Variants in KLF15 observed in about 807,000 individuals in gnomAD.
KLF15 encodes the protein KLF transcription factor 15.
KLF15 carries 4 observed loss-of-function variants against 24.6 expected under a neutral mutation model. The ratio of observed to expected loss-of-function variants is 0.16; its 90% CI spans 0.08 to 0.37. The LOEUF (loss-of-function observed/expected upper bound fraction) is 0.37, where lower values mean the gene tolerates loss of function less well. KLF15 is among the 10% of genes least tolerant of loss of function. The pLI is 1.00. For missense variants in KLF15, 496 were observed against 560.6 expected, an observed-to-expected ratio of 0.88 and a Z score of 1.16; for synonymous variants, 246 against 236.3, an observed-to-expected ratio of 1.04 and a Z score of -0.37.
At chr3:126,326,214 C>A in the KLF15 span, among the ~76,000 whole-genome samples, 2 of 122,114 alleles carry the variant, frequency 1.6e-5, no homozygotes, top group Non-Finnish European at 3.3e-5. Context: ...GTTACTGTAG[C>A]CTTGTAGTAT....
chr3:126,292,736 C>T, the KLF15 span, among the ~76,000 whole-genome samples: 1 of 152,002 alleles, frequency 6.6e-6, no homozygotes, highest in Non-Finnish European at 1.5e-5. Flanking sequence ...GCAGCCAGTG[C>T]TTAGCAGGAA....
At chr3:126,347,146 A>G (rs1280011113) in intron 2 of KLF15, among the ~76,000 whole-genome samples, 2 of 152,128 alleles carry the variant, frequency 1.3e-5, no homozygotes, top group Non-Finnish European at 2.9e-5. Flanking sequence ...GTCTCTCTAG[A>G]GCAGCTATAA....
At chr3:126,345,261 T>A (rs138551561) in intron 2 of KLF15, among the ~76,000 whole-genome samples, 7 of 152,240 alleles carry the variant, frequency 4.6e-5, no homozygotes, top group Admixed American at 1.3e-4. Flanking sequence ...TTTTAAATTA[T>A]CTTCAACTTT....
intron 2 of KLF15, among the ~76,000 whole-genome samples, chr3:126,350,398 C>T (rs1483970698): frequency 6.6e-6 from 1 of 152,190 alleles, no homozygotes; most frequent in Non-Finnish European, 1.5e-5. Context: ...GGAGACAGGA[C>T]AGAGTGATGT....
At chr3:126,321,595 C>T in the KLF15 span, among the ~76,000 whole-genome samples, 2 of 152,246 alleles carry the variant, frequency 1.3e-5, no homozygotes, top group Non-Finnish European at 2.9e-5. Context: ...CCCCTCATGA[C>T]CTCTGTGAAG....
At chr3:126,351,715 C>T (rs764858658) in intron 2 of KLF15, 126 bp downstream of exon 2, 11 of 1,096,474 alleles carry the variant, frequency 1.0e-5, no homozygotes, top group Non-Finnish European at 1.3e-5. Flanking sequence ...CCTGCACCCG[C>T]CTGCCCCTCC....
At chr3:126,311,265 G>T in the KLF15 span, among the ~76,000 whole-genome samples, 1 of 152,220 alleles carries the variant, frequency 6.6e-6, no homozygotes, top group Non-Finnish European at 1.5e-5. Context: ...TCCAGGCCAA[G>T]AATTTTTGGG....
At position 126,352,325 on chromosome 3, in the gene KLF15, T is replaced by C. The variant is rs1232946832; in HGVS notation, c.598A>G (p.Ser200Gly). 7.0e-6 allele frequency: 11 copies of C among 1,572,480 alleles called. No individual in the cohort carries two copies. The highest frequency in any genetic ancestry group is 9.5e-6 in the Non-Finnish European group (11 of 1,161,258). Residue 200 changes from serine to glycine, a missense_variant, in exon 2 of 3, where the codon AGT becomes GGT. Ser to Gly is a moderately conservative substitution (Grantham distance 56, BLOSUM62 0). Around this residue, in one of 3 missense-constraint regions of KLF15, gnomAD observed 399 missense variants for 423.1 expected, o/e 0.94. Transcript: ENST00000296233. ...CCTGGGCCCTGGGCACCTCCTGCACTGGCACCACCTGGTGGAGGGGAACAG... is the reference window on the plus strand; with the variant it reads ...CCTGGGCCCTGGGCACCTCCTGCACCGGCACCACCTGGTGGAGGGGAACAG... ...ERCSPPPGGA[S>G]AGGAQGPGGG...
chr3:126,310,035 A>C, the KLF15 span, among the ~76,000 whole-genome samples: 4 of 152,264 alleles, frequency 2.6e-5, no homozygotes. Context: ...GCCAAGGCCA[A>C]GGCACCGGCA....
the KLF15 span, among the ~76,000 whole-genome samples, chr3:126,296,807 C>T: frequency 1.3e-5 from 2 of 152,180 alleles, no homozygotes; most frequent in East Asian, 1.9e-4. Context: ...TGTTATTGCT[C>T]ATTATTTTGA....
the KLF15 span, among the ~76,000 whole-genome samples, chr3:126,308,965 T>G: frequency 6.6e-6 from 1 of 151,890 alleles, no homozygotes; most frequent in South Asian, 2.1e-4. Flanking sequence ...GTGAGGGCGG[T>G]GGCAGCTGGG....
At chr3:126,323,540 ATTTTAC>A in the KLF15 span, among the ~76,000 whole-genome samples, 1 of 141,010 alleles carries the variant, frequency 7.1e-6, no homozygotes, top group Non-Finnish European at 1.5e-5. Flanking sequence ...ATGTATGTTA[ATTTTAC>A]TTTAAGTTCT....
intron 1 of KLF15, among the ~76,000 whole-genome samples, chr3:126,354,751 G>A (rs1469332871): frequency 1.3e-5 from 2 of 152,228 alleles, no homozygotes; most frequent in Non-Finnish European, 2.9e-5. Flanking sequence ...GCACAAGGCT[G>A]GGCAGAGCCC....
At chr3:126,298,399 G>C in the KLF15 span, among the ~76,000 whole-genome samples, 24 of 147,446 alleles carry the variant, frequency 1.6e-4, no homozygotes, top group African/African-American at 5.3e-4. Context: ...CCCACTTTGC[G>C]GGTTGTCTGT....
the KLF15 span, among the ~76,000 whole-genome samples, chr3:126,304,526 T>C: frequency 6.6e-6 from 1 of 152,226 alleles, no homozygotes; most frequent in African/African-American, 2.4e-5. Flanking sequence ...AGGGAAACTC[T>C]CTGAAGATCT....
At chr3:126,298,562 G>A in the KLF15 span, among the ~76,000 whole-genome samples, 2 of 152,016 alleles carry the variant, frequency 1.3e-5, no homozygotes, top group African/African-American at 4.8e-5. Flanking sequence ...GTCTACAAGA[G>A]TTTTTCTGAT....
rs756659906 is a variant in KLF15, at chr3:126,352,663, C to G, written c.260G>C (p.Gly87Ala). The G allele has an allele frequency of 6.3e-7, 1 of 1,598,914 alleles. No individual in the cohort carries two copies. Among genetic ancestry groups the G allele is most frequent in the South Asian group, 1.1e-5 (1 of 89,330 alleles). Residue 87 changes from glycine to alanine, a missense_variant, in exon 2 of 3, where the codon GGC (glycine) becomes GCC (alanine). This residue lies in a region of KLF15 where 399 missense variants were observed against 423.1 expected (regional missense o/e 0.94). Coordinates refer to ENST00000296233, the MANE Select transcript of KLF15 (RefSeq NM_014079.4). ...LDFLLSQATL[G>A]SGGGSGSSIG... The stretch of plus-strand genomic sequence containing the variant: ...GCTACTGCCGCTGCCCCCGCCACTG[C>G]CCAGCGTGGCCTGGGACAATAGGAA...
chr3:126,321,399 G>A, the KLF15 span, among the ~76,000 whole-genome samples: 1 of 152,232 alleles, frequency 6.6e-6, no homozygotes, highest in Non-Finnish European at 1.5e-5. Context: ...AGGAGGTGGG[G>A]CTGAGCCCCT....
the KLF15 span, among the ~76,000 whole-genome samples, chr3:126,309,955 C>T: frequency 1.2e-4 from 19 of 152,346 alleles, no homozygotes; most frequent in South Asian, 3.9e-3. Flanking sequence ...CCCGTTTGTC[C>T]CGCAAAAATG....
Sources: allele counts gnomAD v4.1 joint callset (sites outside exome capture counted in the v4.1 genomes callset), GRCh38; gene constraint gnomAD v4.1.1; regional missense constraint gnomAD v4.1.1; transcripts MANE v1.5; gene names NCBI Gene and HGNC (gene_info 2026-07-23, HGNC 2026-07-21).